GRIA1: variants seen among roughly 807,000 people sequenced by gnomAD.
GRIA1 encodes the protein glutamate receptor 1.
In GRIA1, 31 loss-of-function variants were observed where a neutral mutation model predicts 99.2. That is an observed-to-expected ratio of 0.31 (90% CI 0.23 to 0.42). The LOEUF (loss-of-function observed/expected upper bound fraction) is 0.42, where lower values mean the gene tolerates loss of function less well. Ranked by LOEUF, GRIA1 falls within the 10% of genes least tolerant of loss-of-function variation. The pLI, the probability that GRIA1 is intolerant of heterozygous loss-of-function variation, is 1.00. For synonymous variants in GRIA1, 438 were observed against 432.4 expected (o/e 1.01, Z -0.16); for missense variants, 782 against 1,157.5 (o/e 0.68, Z 4.71).
At chr5:153,656,237 G>A (rs1422299402) in intron 5 of GRIA1, among the ~76,000 whole-genome samples, 3 of 152,000 alleles carry the variant, frequency 2.0e-5, no homozygotes, top group African/African-American at 7.2e-5. Flanking sequence ...TTTGACCCCA[G>A]TGATAGTTTT....
chr5:153,507,209 A>T (rs1159413844), intron 2 of GRIA1, among the ~76,000 whole-genome samples: 1 of 152,164 alleles, frequency 6.6e-6, no homozygotes, highest in Non-Finnish European at 1.5e-5. Context: ...AGAATTTCTC[A>T]TCAGCAAATC....
rs565401146 is a variant in GRIA1, at chr5:153,685,970, C to G, written c.1030-255C>G. On this transcript the variant is annotated intron_variant, in intron 7 of 15. Transcript: ENST00000285900. ...TGCAGACATTTCACATTAGTATGCACTCTGACCCATTGTTAGTATTTGCCT... is the reference window on the plus strand; with the variant it reads ...TGCAGACATTTCACATTAGTATGCAGTCTGACCCATTGTTAGTATTTGCCT... Among the ~76,000 whole-genome samples, 13 of 152,306 alleles carry G rather than the reference C, an allele frequency of 8.5e-5. No individual in the cohort carries two copies. The South Asian group carries it at 2.7e-3, about 32-fold the overall frequency.
chr5:153,756,594 C>T (rs981223429), intron 11 of GRIA1, among the ~76,000 whole-genome samples: 3 of 152,182 alleles, frequency 2.0e-5, no homozygotes, highest in African/African-American at 7.2e-5. Context: ...GTGAGACAGG[C>T]GTCTGAACTC....
At chr5:153,527,331 C>A (rs146374158) in intron 2 of GRIA1, among the ~76,000 whole-genome samples, 1 of 152,074 alleles carries the variant, frequency 6.6e-6, no homozygotes, top group African/African-American at 2.4e-5. Flanking sequence ...ATAGGTGCAT[C>A]GTGTTAGTTA....
rs1024805133 is a variant in GRIA1, at chr5:153,647,053, G to T, written c.346G>T (p.Asp116Tyr). 16 of 1,613,812 alleles carry T rather than the reference G, an allele frequency of 9.9e-6. No homozygotes were observed. The highest frequency in any genetic ancestry group is 1.4e-5 in the Non-Finnish European group (16 of 1,179,914). The change falls in exon 3 of 16, where the codon GAT becomes TAT. Residue 116 changes from aspartate to tyrosine, a missense_variant. Physicochemically the swap from Asp to Tyr is radical, Grantham distance 160. Around this residue, in one of 5 missense-constraint regions of GRIA1, gnomAD observed 461 missense variants for 521.7 expected, o/e 0.88. Transcript: ENST00000285900. ...VCFITPSFPV[D>Y]TSNQFVLQLR... ...CTTCATTACGCCGAGCTTTCCCGTTGATACATCCAATCAGTTTGTCCTTCA... is the reference window on the plus strand; with the variant it reads ...CTTCATTACGCCGAGCTTTCCCGTTTATACATCCAATCAGTTTGTCCTTCA...
chr5:153,699,222 C>T, intron 10 of GRIA1, 149 bp downstream of exon 10: 2 of 657,016 alleles, frequency 3.0e-6, no homozygotes, highest in Non-Finnish European at 2.7e-6. Context: ...CATCCAAAAT[C>T]CAATTTCTTC....
At chr5:153,490,322 CG>C (rs1753799089), upstream of GRIA1, 1 of 166,386 alleles carries the variant, frequency 6.0e-6, no homozygotes, top group Admixed American at 6.0e-5. Flanking sequence ...GCTGGGGGAG[CG>C]GGCAGACCGA....
chr5:153,566,714 G>GTATTTTTTT (rs1255385915), intron 2 of GRIA1, among the ~76,000 whole-genome samples: 1 of 84,472 alleles, frequency 1.2e-5, no homozygotes, highest in East Asian at 4.4e-4. Context: ...TGCAAATATT[G>GTATTTTTTT]TCTTTTTTTT....
Position 153,802,389 on chromosome 5 carries a change from G to A in GRIA1, c.2419G>A (p.Ala807Thr). The A allele has an allele frequency of 6.2e-7, 1 of 1,613,772 alleles. No homozygotes were observed. Among genetic ancestry groups the A allele is most frequent in the Non-Finnish European group, 8.5e-7 (1 of 1,179,780 alleles). The change falls in exon 15 of 16, where the codon GCA (alanine) becomes ACA (threonine). Residue 807 changes from alanine (A) to threonine (T), a missense_variant. Ala to Thr is a moderately conservative substitution (Grantham distance 58). Around this residue, in one of 5 missense-constraint regions of GRIA1, gnomAD observed 119 missense variants for 326.6 expected, o/e 0.36. Coordinates refer to ENST00000285900, the MANE Select transcript of GRIA1 (RefSeq NM_000827.4). ...AAGCGCTCTGAGCCTCAGCAATGTGGCAGGCGTGTTCTACATCCTGATCGG... is the reference window on the plus strand; with the variant it reads ...AAGCGCTCTGAGCCTCAGCAATGTGACAGGCGTGTTCTACATCCTGATCGG... Reference protein sequence around the residue: ...KTSALSLSNVAGVFYILIGGL... With the variant: ...KTSALSLSNVTGVFYILIGGL...
intron 13 of GRIA1, among the ~76,000 whole-genome samples, chr5:153,773,626 C>A (rs746483327): frequency 1.2e-4 from 18 of 152,158 alleles, no homozygotes; most frequent in Non-Finnish European, 2.2e-4. Flanking sequence ...AAAACTAATT[C>A]TTTTGCATAC....
intron 8 of GRIA1, among the ~76,000 whole-genome samples, chr5:153,694,250 C>G (rs146114897): frequency 6.6e-6 from 1 of 152,150 alleles, no homozygotes; most frequent in African/African-American, 2.4e-5. Context: ...CTGGCTTACA[C>G]AGATTCATCT....
chr5:153,609,585 A>C (rs1433062679), intron 2 of GRIA1, among the ~76,000 whole-genome samples: 6 of 89,874 alleles, frequency 6.7e-5, no homozygotes, highest in African/African-American at 2.4e-4. Flanking sequence ...TTTTTTTGAG[A>C]TGGAGTCTTG....
intron 8 of GRIA1, among the ~76,000 whole-genome samples, chr5:153,691,394 ACCATTGTT>A (rs1757741045): frequency 1.3e-5 from 2 of 152,108 alleles, no homozygotes; most frequent in Admixed American, 1.3e-4. Context: ...TTTTCCCATC[ACCATTGTT>A]CCTATAGCAA....
chr5:153,582,004 T>C (rs1034009730), intron 2 of GRIA1, among the ~76,000 whole-genome samples: 5 of 152,330 alleles, frequency 3.3e-5, no homozygotes, highest in African/African-American at 1.2e-4. Flanking sequence ...GTGATCTACG[T>C]GCCTCAACCT....
At chr5:153,502,382 T>G (rs1423103688) in intron 2 of GRIA1, among the ~76,000 whole-genome samples, 1 of 152,184 alleles carries the variant, frequency 6.6e-6, no homozygotes, top group African/African-American at 2.4e-5. Context: ...GCTTTTGATA[T>G]TATGAGTTTT....
At chr5:153,809,757 A>G (rs1382880314) in intron 15 of GRIA1, among the ~76,000 whole-genome samples, 1 of 152,246 alleles carries the variant, frequency 6.6e-6, no homozygotes, top group Non-Finnish European at 1.5e-5. Context: ...TACAGAAGAC[A>G]AAACTTATAC....
At chr5:153,701,635 A>AAAAAAAAAAAAAAAAAAAAAAAAAC (rs1758533249) in intron 10 of GRIA1, among the ~76,000 whole-genome samples, 1 of 149,020 alleles carries the variant, frequency 6.7e-6, no homozygotes, top group East Asian at 2.0e-4. Context: ...AAAAAAAAAA[A>AAAAAAAAAAAAAAAAAAAAAAAAAC]AAAAAAATAC....
chr5:153,601,125 G>A (rs115365917), intron 2 of GRIA1, among the ~76,000 whole-genome samples: 119 of 152,300 alleles, frequency 7.8e-4, no homozygotes, highest in African/African-American at 2.8e-3. Flanking sequence ...AACACCGACT[G>A]AGCACATGCT....
At chr5:153,679,357 C>T (rs1180130079) in intron 7 of GRIA1, among the ~76,000 whole-genome samples, 2 of 152,236 alleles carry the variant, frequency 1.3e-5, no homozygotes, top group Non-Finnish European at 2.9e-5. Context: ...ATTCATTTTC[C>T]AATCTTTGTT....
Sources: gnomAD v4.1 joint callset for allele counts (sites outside exome capture counted in the v4.1 genomes callset) on GRCh38, gnomAD v4.1.1 for gene constraint, gnomAD v4.1.1 regional missense constraint, MANE v1.5 for transcripts, NCBI Gene and HGNC (gene_info 2026-07-23, HGNC 2026-07-21) for gene names.